The following ROBO1 variants were observed in gnomAD, a reference collection of about 807,000 sequenced individuals.
ROBO1 encodes roundabout homolog 1.
ROBO1 carries 149 observed loss-of-function variants against 195.9 expected under a neutral mutation model. The ratio of observed to expected loss-of-function variants is 0.76; its 90% CI spans 0.67 to 0.87. ROBO1 has a LOEUF of 0.87. Ranked by LOEUF, ROBO1 falls within the 40% of genes least tolerant of loss-of-function variation. The pLI, the probability that ROBO1 is intolerant of heterozygous loss-of-function variation, is 0.00. For synonymous variants in ROBO1, 816 were observed against 733.2 expected (o/e 1.11, Z -1.82); for missense variants, 1,933 against 2,068.3 (o/e 0.93, Z 1.27).
At chr3:78,929,248 A>T (rs2039377817) in intron 4 of ROBO1, among the ~76,000 whole-genome samples, 1 of 152,166 alleles carries the variant, frequency 6.6e-6, no homozygotes, top group African/African-American at 2.4e-5. Context: ...CTGAGATTAG[A>T]CTTAAACATC....
chr3:79,237,809 A>C (rs2082440242), intron 2 of ROBO1, among the ~76,000 whole-genome samples: 1 of 152,214 alleles, frequency 6.6e-6, no homozygotes, highest in Admixed American at 6.5e-5. Flanking sequence ...TATCAGCCAA[A>C]GCTCTTGGAT....
At position 79,015,380 on chromosome 3, in the gene ROBO1, GC is replaced by G. The variant is rs77153570; in HGVS notation, c.173-76454del. Among the ~76,000 whole-genome samples, 191 of 69,310 alleles carry G rather than the reference GC, an allele frequency of 2.8e-3. 1 individual carries two copies. Among genetic ancestry groups the G allele is most frequent in the East Asian group, 0.015 (38 of 2,602 alleles). The allele number at this position is 69,310 out of a possible 152,430, so 45.5% of individuals were successfully genotyped here. On this transcript the variant is annotated intron_variant, in intron 3 of 30. Transcript: ENST00000464233. The stretch of plus-strand genomic sequence containing the variant: ...CTTCCCAAGAGAAACCCTCCCCCAC[GC>G]CCCCCCCCAAAAAAACAAGAAAAAG...
rs772177479 is a variant in ROBO1, at chr3:79,717,443, G to C, written c.-51+50309C>G. Among the ~76,000 whole-genome samples, 150 of 152,002 alleles carry C rather than the reference G, an allele frequency of 9.9e-4. 3 individuals are homozygous for C. The highest frequency in any genetic ancestry group is 4.9e-4 in the Non-Finnish European group (33 of 67,854). ...AAGTTTGTAGACCCTGAACAATCTTGGTGAGCCAGGAAAAATATATGGCAT... is the reference window on the plus strand; with the variant it reads ...AAGTTTGTAGACCCTGAACAATCTTCGTGAGCCAGGAAAAATATATGGCAT... On this transcript the variant is annotated intron_variant, in intron 1 of 30. Coordinates refer to ENST00000464233, the MANE Select transcript of ROBO1 (RefSeq NM_002941.4).
At position 78,717,902 on chromosome 3, in the gene ROBO1, C is replaced by T; in HGVS notation, c.658-19G>A. 1 of 1,611,678 alleles carries T rather than the reference C, an allele frequency of 6.2e-7. No homozygotes were observed. The highest frequency in any genetic ancestry group is 8.5e-7 in the Non-Finnish European group (1 of 1,178,654). On this transcript the variant is annotated intron_variant, in intron 5 of 30. Transcript: ENST00000464233. Reference sequence around the variant, plus strand: ...CTCGTATCTTAAAAAAAAAGTTTCACAGGAATACTATTAAAATTGCTTCAG... The same window carrying T: ...CTCGTATCTTAAAAAAAAAGTTTCATAGGAATACTATTAAAATTGCTTCAG...
chr3:78,934,644 C>T (rs536671393), intron 4 of ROBO1, among the ~76,000 whole-genome samples: 1 of 151,904 alleles, frequency 6.6e-6, no homozygotes, highest in Non-Finnish European at 1.5e-5. Context: ...TTCTAAGCTA[C>T]GGTGCTGATA....
chr3:78,661,084 TA>T lies in ROBO1; in HGVS notation c.2265del (p.Phe755LeufsTer28), dbSNP rs1192824348. ...TCACTATCTGCTCCTTGAAATTCAT[TA>T]AAAAAAGGGCGAGCCTTAATTTCAT... ...VNYEIKARPF[F>X]NEFQGADSEI... On this transcript the variant is annotated frameshift_variant, in exon 16 of 31. Coordinates refer to ENST00000464233, the MANE Select transcript of ROBO1 (RefSeq NM_002941.4). LOFTEE classifies it high-confidence loss of function. 1 of 1,613,492 alleles carries T rather than the reference TA, an allele frequency of 6.2e-7. No individual in the cohort carries two copies. Among genetic ancestry groups the T allele is most frequent in the South Asian group, 1.1e-5 (1 of 90,978 alleles).
chr3:79,211,333 A>G (rs1419492571), intron 2 of ROBO1, among the ~76,000 whole-genome samples: 1 of 152,156 alleles, frequency 6.6e-6, no homozygotes, highest in Non-Finnish European at 1.5e-5. Flanking sequence ...CAGCTAGGAT[A>G]TAATTGTATT....
At chr3:79,590,902 G>T (rs1943979021) in intron 1 of ROBO1, among the ~76,000 whole-genome samples, 1 of 151,702 alleles carries the variant, frequency 6.6e-6, no homozygotes, top group Admixed American at 6.6e-5. Flanking sequence ...GAGAGTAGTT[G>T]TTTGGCTGGA....
chr3:79,352,881 T>C (rs999692154), intron 2 of ROBO1, among the ~76,000 whole-genome samples: 4 of 152,224 alleles, frequency 2.6e-5, no homozygotes, highest in Admixed American at 2.0e-4. Context: ...TCATTATATA[T>C]ATATACACTC....
rs143881900 is a variant in ROBO1 at position 79,009,429 on chromosome 3, A to T, written c.173-70502T>A. Among the ~76,000 whole-genome samples the T allele has an allele frequency of 3.9e-3, 597 of 152,302 alleles. 8 individuals are homozygous for T. The highest frequency in any genetic ancestry group is 5.6e-3 in the Admixed American group (85 of 15,294). ...AAACCTATGGAAATAGATGAATATA[A>T]ATATACAATCCCATCTACATATTTG... On this transcript the variant is annotated intron_variant, in intron 3 of 30. Coordinates refer to ENST00000464233, the MANE Select transcript of ROBO1 (RefSeq NM_002941.4).
chr3:79,384,323 A>C (rs1204013087), intron 2 of ROBO1, among the ~76,000 whole-genome samples: 2 of 152,038 alleles, frequency 1.3e-5, no homozygotes, highest in Non-Finnish European at 2.9e-5. Context: ...TAGAAAATAC[A>C]ATGATCAAAA....
intron 3 of ROBO1, among the ~76,000 whole-genome samples, chr3:79,047,081 T>G (rs921939575): frequency 6.6e-6 from 1 of 152,020 alleles, no homozygotes; most frequent in Non-Finnish European, 1.5e-5. Flanking sequence ...GGAAGACACA[T>G]AAATTGCCTT....
intron 3 of ROBO1, among the ~76,000 whole-genome samples, chr3:79,039,438 T>G (rs1016742108): frequency 2.0e-5 from 3 of 152,168 alleles, no homozygotes; most frequent in Non-Finnish European, 4.4e-5. Context: ...GTACTGCCTT[T>G]CAGAGAAGAA....
At chr3:79,614,486 C>T (rs1944759238) in intron 1 of ROBO1, among the ~76,000 whole-genome samples, 1 of 151,896 alleles carries the variant, frequency 6.6e-6, no homozygotes, top group Non-Finnish European at 1.5e-5. Flanking sequence ...AAATTTAAAG[C>T]ATTATAAGAA....
chr3:79,073,696 T>C (rs2079125264), intron 3 of ROBO1, among the ~76,000 whole-genome samples: 1 of 151,844 alleles, frequency 6.6e-6, no homozygotes, highest in South Asian at 2.1e-4. Context: ...AAATAATCTG[T>C]TTCTTAGCAT....
At chr3:79,563,003 AG>A (rs11294109) in intron 2 of ROBO1, among the ~76,000 whole-genome samples, 22,419 of 152,042 alleles carry the variant, frequency 0.15, 2,126 homozygotes, top group African/African-American at 0.26. Context: ...TTGCATTCCC[AG>A]TATCCAATTT....
intron 2 of ROBO1, among the ~76,000 whole-genome samples, chr3:79,165,404 T>G (rs1299125257): frequency 3.3e-5 from 5 of 152,250 alleles, no homozygotes; most frequent in Admixed American, 6.5e-5. Context: ...ATAATTTACC[T>G]GTTTGAGATT....
chr3:79,412,647 C>T (rs80324682), intron 2 of ROBO1, among the ~76,000 whole-genome samples: 11,665 of 152,052 alleles, frequency 0.077, 615 homozygotes, highest in Non-Finnish European at 0.11. Flanking sequence ...AAACAATCAT[C>T]TTTCTTACTT....
chr3:79,463,327 G>C (rs903737817), intron 2 of ROBO1, among the ~76,000 whole-genome samples: 2 of 151,160 alleles, frequency 1.3e-5, no homozygotes, highest in African/African-American at 2.4e-5. Context: ...GTGAGCTGAG[G>C]TCGCGCCACT....
Sources: allele counts gnomAD v4.1 joint callset (sites outside exome capture counted in the v4.1 genomes callset), GRCh38; gene constraint gnomAD v4.1.1; transcripts MANE v1.5; gene names NCBI Gene and HGNC (gene_info 2026-07-23, HGNC 2026-07-21).